ATP8A2: variants seen among roughly 807,000 people sequenced by gnomAD.
The protein encoded by ATP8A2 is phospholipid-transporting ATPase IB.
A neutral mutation model predicts 165.6 loss-of-function variants in ATP8A2; 100 were observed. The observed-to-expected ratio is 0.60, with a 90% confidence interval of 0.51 to 0.71. ATP8A2 has a LOEUF of 0.71. Ranked by LOEUF, ATP8A2 falls within the 30% of genes least tolerant of loss-of-function variation. The pLI is 0.00. For synonymous variants in ATP8A2, 543 were observed against 548.8 expected (o/e 0.99, Z 0.15); for missense variants, 1,227 against 1,479.5 (o/e 0.83, Z 2.80).
intron 11 of ATP8A2, 53 bp downstream of exon 11, chr13:25,551,556 T>C: frequency 6.5e-7 from 1 of 1,542,718 alleles, no homozygotes; most frequent in Admixed American, 1.8e-5. Context: ...ATTTTTGAGA[T>C]GTTCTTGCAG....
intron 33 of ATP8A2, among the ~76,000 whole-genome samples, chr13:25,945,349 A>G (rs1379732648): frequency 6.6e-6 from 1 of 152,186 alleles, no homozygotes; most frequent in Non-Finnish European, 1.5e-5. Context: ...AAGTAACCAA[A>G]TAAGTTCTCA....
At chr13:25,512,109 A>G (rs1156921271) in intron 2 of ATP8A2, among the ~76,000 whole-genome samples, 1 of 151,614 alleles carries the variant, frequency 6.6e-6, no homozygotes, top group Non-Finnish European at 1.5e-5. Flanking sequence ...GCTGCCTTCA[A>G]GCATCTGTTT....
At position 25,789,325 on chromosome 13, in the gene ATP8A2, A is replaced by G. The variant is rs71431764; in HGVS notation, c.2679+14366A>G. Among the ~76,000 whole-genome samples the G allele has an allele frequency of 5.1e-3, 774 of 152,346 alleles. 3 individuals carry two copies. Among genetic ancestry groups the G allele is most frequent in the Non-Finnish European group, 8.2e-3 (557 of 68,028 alleles). On this transcript the variant is annotated intron_variant, in intron 27 of 36. Transcript: ENST00000381655. ...GATTTTATTGCAAAGTTAGCTAAAAATAAAACTCTAGTGTTTAAACAAAAC... is the reference window on the plus strand; with the variant it reads ...GATTTTATTGCAAAGTTAGCTAAAAGTAAAACTCTAGTGTTTAAACAAAAC...
chr13:25,409,786 AC>A (rs1022129640), intron 1 of ATP8A2, among the ~76,000 whole-genome samples: 1 of 152,104 alleles, frequency 6.6e-6, no homozygotes, highest in African/African-American at 2.4e-5. Context: ...CACCATAATT[AC>A]TTTTATGGCA....
intron 34 of ATP8A2, among the ~76,000 whole-genome samples, chr13:25,963,734 G>A (rs543470656): frequency 1.3e-5 from 2 of 152,336 alleles, no homozygotes; most frequent in East Asian, 3.9e-4. Flanking sequence ...GAAAGAGAAT[G>A]TTTATAGATT....
intron 9 of ATP8A2, among the ~76,000 whole-genome samples, chr13:25,542,955 A>G (rs1396342607): frequency 1.3e-5 from 2 of 152,142 alleles, no homozygotes; most frequent in Non-Finnish European, 2.9e-5. Context: ...CAATAATAAT[A>G]CTTAACTACA....
chr13:25,392,892 A>G (rs945422126), intron 1 of ATP8A2, among the ~76,000 whole-genome samples: 2 of 146,696 alleles, frequency 1.4e-5, no homozygotes, highest in South Asian at 2.2e-4. Context: ...ACTGGGCAAA[A>G]CAATGAAGCC....
At position 25,500,648 on chromosome 13, in the gene ATP8A2, C is replaced by T. The variant is rs186195179; in HGVS notation, c.222-29351C>T. 3.1e-3 allele frequency among the ~76,000 whole-genome samples: 477 copies of T among 152,156 alleles called. 1 individual carries two copies. Among genetic ancestry groups the T allele is most frequent in the Middle Eastern group, 0.01 (3 of 294 alleles). On this transcript the variant is annotated intron_variant, in intron 2 of 36. Transcript: ENST00000381655. ...TTGCCCAGTCTGGAGTGCAGTGGTGCGATCTTGGCTTACCCCAACCTCCAC... is the reference window on the plus strand; with the variant it reads ...TTGCCCAGTCTGGAGTGCAGTGGTGTGATCTTGGCTTACCCCAACCTCCAC...
chr13:25,440,478 C>T (rs925316025), intron 1 of ATP8A2, among the ~76,000 whole-genome samples: 1 of 152,148 alleles, frequency 6.6e-6, no homozygotes, highest in Admixed American at 6.5e-5. Context: ...GGTCGCAGGG[C>T]ATAATGTAAT....
intron 27 of ATP8A2, among the ~76,000 whole-genome samples, chr13:25,803,661 G>A (rs186561598): frequency 1.3e-5 from 2 of 152,268 alleles, no homozygotes; most frequent in Admixed American, 1.3e-4. Context: ...TTGAAGTTCT[G>A]CCAATCCTTC....
intron 27 of ATP8A2, among the ~76,000 whole-genome samples, chr13:25,820,090 G>T (rs1030741618): frequency 6.6e-6 from 1 of 152,222 alleles, no homozygotes; most frequent in Non-Finnish European, 1.5e-5. Flanking sequence ...AGTGTCGGCT[G>T]TTAGCTGAGA....
intron 26 of ATP8A2, among the ~76,000 whole-genome samples, chr13:25,774,036 CTG>C (rs1160940197): frequency 6.6e-6 from 1 of 152,170 alleles, no homozygotes; most frequent in Non-Finnish European, 1.5e-5. Context: ...CTGAAAAAAT[CTG>C]TGTTTGCTTA....
At position 25,992,286 on chromosome 13, in the gene ATP8A2, A is replaced by T. The variant is rs151301600; in HGVS notation, c.3378-20245A>T. Among the ~76,000 whole-genome samples the T allele has an allele frequency of 2.1e-3, 256 of 122,528 alleles. 1 individual carries two copies. In the Middle Eastern group the frequency reaches 0.031, roughly 15 times the overall value. The allele number at this position is 122,528 out of a possible 152,430, so 80.4% of individuals were successfully genotyped here. A position where few individuals can be genotyped will look rare whatever the true frequency, so the allele number is the denominator to read the frequency against. On this transcript the variant is annotated intron_variant, in intron 35 of 36. Coordinates refer to ENST00000381655, the MANE Select transcript of ATP8A2 (RefSeq NM_016529.6). ...CTTAGTGATCTCTCTTTGTGGTTTT[A>T]GTCTGTGTTTTCCTAATGGTTAATG...
At chr13:25,471,278 T>C (rs766155397) in intron 2 of ATP8A2, among the ~76,000 whole-genome samples, 26 of 150,976 alleles carry the variant, frequency 1.7e-4, no homozygotes, top group Non-Finnish European at 3.2e-4. Context: ...CATTTATGCA[T>C]GCTTAAGGCT....
intron 23 of ATP8A2, among the ~76,000 whole-genome samples, chr13:25,585,363 C>T (rs2039892233): frequency 6.6e-6 from 1 of 152,020 alleles, no homozygotes; most frequent in Admixed American, 6.5e-5. Flanking sequence ...AATAGTTATG[C>T]AATAGATGTG....
chr13:25,914,637 A>C (rs1017637027), intron 33 of ATP8A2, among the ~76,000 whole-genome samples: 1 of 152,152 alleles, frequency 6.6e-6, no homozygotes, highest in Non-Finnish European at 1.5e-5. Context: ...TCTTCTGCTC[A>C]ACTACAGCAG....
chr13:25,444,635 GT>G lies in ATP8A2; in HGVS notation c.77-24330del, dbSNP rs879360153. ...TAATGAGTAATGATATCAAGCATCT[GT>G]TTTTTTTTTTTGTTTTGTTTTGTTT... On this transcript the variant is annotated intron_variant, in intron 1 of 36. Coordinates refer to ENST00000381655, the MANE Select transcript of ATP8A2 (RefSeq NM_016529.6). Among the ~76,000 whole-genome samples, 1,325 of 143,770 alleles carry G rather than the reference GT, an allele frequency of 9.2e-3. 13 individuals carry two copies. Among genetic ancestry groups the G allele is most frequent in the African/African-American group, 0.029 (1,141 of 39,412 alleles). 94.3% of individuals were successfully genotyped at this position (143,770 alleles called of 152,430 possible).
At chr13:25,561,478 C>T (rs4770846) in intron 15 of ATP8A2, among the ~76,000 whole-genome samples, 131,560 of 151,992 alleles carry the variant, frequency 0.87, 57,126 homozygotes, top group Non-Finnish European at 0.92. Flanking sequence ...CCCCTAACTT[C>T]GCTTTTGCAT....
Position 25,860,730 on chromosome 13 carries a change from A to G in ATP8A2, c.3019-74A>G, listed in dbSNP as rs1203776122. On this transcript the variant is annotated intron_variant, in intron 31 of 36. Coordinates refer to ENST00000381655, the MANE Select transcript of ATP8A2 (RefSeq NM_016529.6). ...GGGAAGCTAGTTCTGGAGTGGAGAG[A>G]TGGGATTTCTCATGGAAAGTGAAAA... 4.2e-6 allele frequency: 5 copies of G among 1,202,510 alleles called. No homozygotes were observed. In the African/African-American group the frequency reaches 4.5e-5, roughly 11 times the overall value. The allele number at this position is 1,202,510 out of a possible 1,614,324, so 74.5% of individuals were successfully genotyped here.
Sources: allele counts gnomAD v4.1 joint callset (sites outside exome capture counted in the v4.1 genomes callset), GRCh38; gene constraint gnomAD v4.1.1; transcripts MANE v1.5; gene names NCBI Gene and HGNC (gene_info 2026-07-23, HGNC 2026-07-21).